LIPI: variants seen among roughly 807,000 people sequenced by gnomAD.
LIPI encodes the protein lipase I, also known as lipase member I.
In LIPI, 59 loss-of-function variants were observed where a neutral mutation model predicts 50.6. That is an observed-to-expected ratio of 1.16 (90% CI 0.94 to 1.45). LIPI has a LOEUF of 1.45. Among genes scored for constraint, LIPI ranks in the 40% most tolerant of loss-of-function variants. The pLI is 0.00. For missense variants in LIPI, 586 were observed against 536.3 expected, an observed-to-expected ratio of 1.09 and a Z score of -0.92; for synonymous variants, 203 against 178.2, an observed-to-expected ratio of 1.14 and a Z score of -1.11.
At chr21:14,177,717 AT>A (rs1378890853) in intron 4 of LIPI, among the ~76,000 whole-genome samples, 13 of 152,180 alleles carry the variant, frequency 8.5e-5, no homozygotes, top group African/African-American at 3.1e-4. Context: ...ATCATATGCT[AT>A]TTTTAGCTTA....
intron 7 of LIPI, among the ~76,000 whole-genome samples, chr21:14,156,958 T>C (rs1370552453): frequency 6.6e-6 from 1 of 151,854 alleles, no homozygotes; most frequent in Non-Finnish European, 1.5e-5. Flanking sequence ...TAGAAATATA[T>C]TATTGGAAAC....
chr21:14,207,437 A>G (rs999395305), intron 1 of LIPI, among the ~76,000 whole-genome samples: 1 of 151,630 alleles, frequency 6.6e-6, no homozygotes, highest in Non-Finnish European at 1.5e-5. Flanking sequence ...AACTATGTCA[A>G]TTAATTTTTT....
intron 9 of LIPI, among the ~76,000 whole-genome samples, chr21:14,128,132 A>G (rs1477554100): frequency 6.6e-6 from 1 of 152,042 alleles, no homozygotes; most frequent in Non-Finnish European, 1.5e-5. Context: ...ATGTATACAC[A>G]CAGACACTGT....
intron 2 of LIPI, among the ~76,000 whole-genome samples, chr21:14,187,578 C>A (rs2019499458): frequency 6.6e-6 from 1 of 152,138 alleles, no homozygotes; most frequent in East Asian, 1.9e-4. Flanking sequence ...TATTCACATT[C>A]TCCACACTTT....
intron 8 of LIPI, among the ~76,000 whole-genome samples, chr21:14,148,806 G>A (rs2017992479): frequency 1.3e-5 from 2 of 152,136 alleles, no homozygotes; most frequent in Non-Finnish European, 2.9e-5. Flanking sequence ...CAGAAAAACA[G>A]TAAACCCATT....
At chr21:14,166,325 A>T (rs1422888589) in intron 5 of LIPI, 37 bp downstream of exon 5, 2 of 1,104,022 alleles carry the variant, frequency 1.8e-6, no homozygotes, top group South Asian at 2.5e-5. Flanking sequence ...ATCATTTCGA[A>T]TATTATGTAG....
At chr21:14,186,894 C>A (rs369655687) in intron 2 of LIPI, among the ~76,000 whole-genome samples, 1 of 152,204 alleles carries the variant, frequency 6.6e-6, no homozygotes, top group East Asian at 1.9e-4. Flanking sequence ...CTTCTCAGAC[C>A]CTGAAACTAT....
chr21:14,172,270 A>G (rs111689688), intron 4 of LIPI, among the ~76,000 whole-genome samples: 6,675 of 151,420 alleles, frequency 0.044, 225 homozygotes, highest in South Asian at 0.16. Context: ...CTGTTGGTGG[A>G]ACTGTAAACT....
intron 9 of LIPI, among the ~76,000 whole-genome samples, chr21:14,132,306 G>A (rs2123003082): frequency 6.6e-6 from 1 of 152,206 alleles, no homozygotes; most frequent in South Asian, 2.1e-4. Context: ...TTTTAAATTA[G>A]CAAATGAAAT....
rs1324998843 is a variant in LIPI, at chr21:14,109,045, T to A, written c.1331A>T (p.Asp444Val). The change falls in exon 10 of 10, where the codon GAC becomes GTC. Residue 444 changes from aspartate (D) to valine (V), a missense_variant. Asp to Val is a radical substitution (Grantham distance 152, BLOSUM62 -3). Coordinates refer to ENST00000681601, the MANE Select transcript of LIPI (RefSeq NM_001302998.2). ...TGGATTAAGAAACACTTCCTCTCTGTCTTTAAGTACAATATTATACCTGCA... is the reference window on the plus strand; with the variant it reads ...TGGATTAAGAAACACTTCCTCTCTGACTTTAAGTACAATATTATACCTGCA... ...PLCRYNIVLK[D>V]REEVFLNPNT... is the part of the protein sequence containing the mutation. 1.3e-6 allele frequency: 2 copies of A among 1,597,010 alleles called. No homozygotes were observed. Among genetic ancestry groups the A allele is most frequent in the Non-Finnish European group, 1.7e-6 (2 of 1,165,024 alleles).
chr21:14,191,709 G>C (rs138297199), intron 1 of LIPI, among the ~76,000 whole-genome samples: 74 of 152,184 alleles, frequency 4.9e-4, no homozygotes, highest in African/African-American at 1.7e-3. Flanking sequence ...ATCATAAGTG[G>C]GGTGACTTGT....
intron 1 of LIPI, among the ~76,000 whole-genome samples, chr21:14,209,756 T>C (rs2020318073): frequency 6.6e-6 from 1 of 152,042 alleles, no homozygotes. Flanking sequence ...ATGTAAACTA[T>C]GATATTAAAA....
At chr21:14,190,091 A>G (rs188040787) in intron 1 of LIPI, among the ~76,000 whole-genome samples, 1 of 152,096 alleles carries the variant, frequency 6.6e-6, no homozygotes, top group African/African-American at 2.4e-5. Context: ...AAAAATGTAA[A>G]ACATCTTAAA....
intron 4 of LIPI, among the ~76,000 whole-genome samples, chr21:14,171,799 G>A (rs2123195884): frequency 6.6e-6 from 1 of 151,716 alleles, no homozygotes; most frequent in Middle Eastern, 3.4e-3. Flanking sequence ...TCAGGACATA[G>A]GCATGGGCAA....
At chr21:14,183,134 C>T (rs373917316) in intron 3 of LIPI, among the ~76,000 whole-genome samples, 35 of 152,262 alleles carry the variant, frequency 2.3e-4, no homozygotes, top group Non-Finnish European at 4.6e-4. Flanking sequence ...GAGAAATAGA[C>T]CAATGGAACA....
intron 8 of LIPI, among the ~76,000 whole-genome samples, chr21:14,146,762 C>T (rs996912028): frequency 6.4e-5 from 9 of 139,576 alleles, no homozygotes; most frequent in African/African-American, 2.3e-4. Flanking sequence ...TTCTTACTTT[C>T]CCAGTCTCTA....
intron 1 of LIPI, among the ~76,000 whole-genome samples, chr21:14,192,040 G>A (rs966016365): frequency 6.6e-6 from 1 of 152,120 alleles, no homozygotes; most frequent in Admixed American, 6.5e-5. Context: ...AGTAACAGCT[G>A]CTTAACATCA....
intron 9 of LIPI, among the ~76,000 whole-genome samples, chr21:14,123,436 C>T (rs141964808): frequency 9.5e-4 from 144 of 152,120 alleles, no homozygotes; most frequent in East Asian, 4.8e-3. Context: ...AACTATTGCC[C>T]GAGAAGTGGA....
intron 9 of LIPI, among the ~76,000 whole-genome samples, chr21:14,142,922 C>T (rs1290290197): frequency 6.6e-6 from 1 of 152,128 alleles, no homozygotes; most frequent in East Asian, 1.9e-4. Context: ...TTCCTGACAT[C>T]AAGTTCCCTA....
Sources: gnomAD v4.1 joint callset for allele counts (sites outside exome capture counted in the v4.1 genomes callset) on GRCh38, gnomAD v4.1.1 for gene constraint, MANE v1.5 for transcripts, NCBI Gene and HGNC (gene_info 2026-07-23, HGNC 2026-07-21) for gene names.